ASRGL1: variants seen among roughly 807,000 people sequenced by gnomAD.
The protein encoded by ASRGL1 is asparaginase and isoaspartyl peptidase 1.
Under a neutral mutation model 22.4 loss-of-function variants are expected in ASRGL1, and 16 were observed. That is an observed-to-expected ratio of 0.71 (90% confidence interval 0.48 to 1.08). The LOEUF is 1.08. ASRGL1 is among the 50% of genes least tolerant of loss of function. The probability of loss-of-function intolerance (pLI) is 0.00; values close to 1 mark genes in which losing one functional copy is unlikely to be tolerated. For synonymous variants in ASRGL1, 165 were observed against 159.3 expected, an observed-to-expected ratio of 1.04 and a Z score of -0.27; for missense variants, 412 against 410.1, an observed-to-expected ratio of 1.00 and a Z score of -0.04.
chr11:62,397,663 T>G (rs1446256024), downstream of ASRGL1, among the ~76,000 whole-genome samples: 1 of 71,378 alleles, frequency 1.4e-5, no homozygotes, highest in Non-Finnish European at 2.5e-5. Flanking sequence ...AAACTCCGTC[T>G]CAAAAAAAAA....
intron 4 of ASRGL1, among the ~76,000 whole-genome samples, chr11:62,388,467 G>A (rs1947264451): frequency 6.6e-6 from 1 of 151,968 alleles, no homozygotes; most frequent in Non-Finnish European, 1.5e-5. Flanking sequence ...AGAGGTTTGA[G>A]ACCAGCCTGG....
chr11:62,347,588 A>G (rs922897317), intron 2 of ASRGL1, among the ~76,000 whole-genome samples: 1 of 152,034 alleles, frequency 6.6e-6, no homozygotes, highest in Admixed American at 6.6e-5. Flanking sequence ...GGCCTTCTAC[A>G]TCTGTGAATT....
At chr11:62,352,413 C>T (rs1284233418) in intron 2 of ASRGL1, among the ~76,000 whole-genome samples, 1 of 152,110 alleles carries the variant, frequency 6.6e-6, no homozygotes, top group Non-Finnish European at 1.5e-5. Context: ...TGGTGAAAAC[C>T]TGTCTCTACT....
At chr11:62,386,541 G>A (rs540555690) in intron 4 of ASRGL1, among the ~76,000 whole-genome samples, 10 of 69,942 alleles carry the variant, frequency 1.4e-4, no homozygotes, top group African/African-American at 2.3e-4. Context: ...AGAGGTCAGC[G>A]CTAGCTGAGG....
chr11:62,354,314 C>T (rs1034871207), intron 2 of ASRGL1, among the ~76,000 whole-genome samples: 11 of 152,106 alleles, frequency 7.2e-5, no homozygotes, highest in East Asian at 3.8e-4. Flanking sequence ...AGTAGCCCTC[C>T]GTTATCTATG....
At position 62,343,377 on chromosome 11, in the gene ASRGL1, C is replaced by CAAA. The variant is rs35798082; in HGVS notation, c.190+5227_190+5229dup. On this transcript the variant is annotated intron_variant, in intron 2 of 6. Transcript: ENST00000415229. ...TGGGTGACAGAGTGAGACCCTGTCT[C>CAAA]AAAAAAAAAAAAAAAAAAAGGAACT... Among the ~76,000 whole-genome samples the CAAA allele has an allele frequency of 1.9e-3, 168 of 86,250 alleles. 3 individuals are homozygous for CAAA. Among genetic ancestry groups the CAAA allele is most frequent in the Middle Eastern group, 7.7e-3 (1 of 130 alleles). The allele number at this position is 86,250 out of a possible 152,430, so 56.6% of individuals were successfully genotyped here. A position where few individuals can be genotyped will look rare whatever the true frequency, so the allele number is the denominator to read the frequency against.
At chr11:62,356,949 C>CA (rs777206182) in intron 3 of ASRGL1, 38 bp from the exon 4 acceptor site, 20 of 1,560,104 alleles carry the variant, frequency 1.3e-5, no homozygotes, top group South Asian at 3.7e-5. Flanking sequence ...TTAAAATTTT[C>CA]AAAAAAACAA....
chr11:62,373,660 C>T (rs952628203), intron 4 of ASRGL1, among the ~76,000 whole-genome samples: 2 of 152,270 alleles, frequency 1.3e-5, no homozygotes, highest in South Asian at 2.1e-4. Context: ...TCGCGTGCTT[C>T]GGAAGCATCC....
At chr11:62,372,669 G>C (rs1946805316) in intron 4 of ASRGL1, 1 of 1,070,286 alleles carries the variant, frequency 9.3e-7, no homozygotes, top group South Asian at 1.2e-5. Flanking sequence ...CTTCTCCTGG[G>C]GCTTCAGTGG....
At chr11:62,374,778 G>A (rs1224842321) in intron 4 of ASRGL1, among the ~76,000 whole-genome samples, 4 of 152,130 alleles carry the variant, frequency 2.6e-5, no homozygotes, top group Non-Finnish European at 5.9e-5. Context: ...TCTGTGTTCA[G>A]TCAGTAGTCC....
intron 2 of ASRGL1, among the ~76,000 whole-genome samples, chr11:62,341,618 C>T (rs759985654): frequency 3.3e-5 from 5 of 152,076 alleles, no homozygotes; most frequent in African/African-American, 1.2e-4. Flanking sequence ...TTGAAGATTC[C>T]CAGGTGATTC....
At chr11:62,398,091 AATGTCGAC>A (rs1380128118), downstream of ASRGL1, among the ~76,000 whole-genome samples, 1 of 151,878 alleles carries the variant, frequency 6.6e-6, no homozygotes, top group Non-Finnish European at 1.5e-5. Context: ...TTCAAACAGA[AATGTCGAC>A]ACCCTGCCAC....
At chr11:62,342,402 G>C (rs1945887540) in intron 2 of ASRGL1, among the ~76,000 whole-genome samples, 1 of 152,156 alleles carries the variant, frequency 6.6e-6, no homozygotes, top group South Asian at 2.1e-4. Flanking sequence ...GTTAGCACAG[G>C]TCTTTGAATA....
At chr11:62,371,898 G>C (rs554373070) in intron 4 of ASRGL1, 5 of 565,578 alleles carry the variant, frequency 8.8e-6, no homozygotes, top group South Asian at 6.2e-5. Flanking sequence ...AGCTTGCAGT[G>C]GGCCGAGATC....
chr11:62,385,106 G>A (rs1381546594), intron 4 of ASRGL1, among the ~76,000 whole-genome samples: 2 of 150,870 alleles, frequency 1.3e-5, no homozygotes, highest in Admixed American at 6.6e-5. Flanking sequence ...GTTAGAGGTG[G>A]GCCTGCCACC....
At chr11:62,355,300 A>G (rs1005138462) in intron 2 of ASRGL1, among the ~76,000 whole-genome samples, 3 of 151,730 alleles carry the variant, frequency 2.0e-5, no homozygotes, top group African/African-American at 7.3e-5. Flanking sequence ...ATCTCGGCTC[A>G]CGGCAACCTC....
intron 2 of ASRGL1, among the ~76,000 whole-genome samples, chr11:62,353,037 C>T (rs1946203116): frequency 6.6e-6 from 1 of 152,110 alleles, no homozygotes; most frequent in Non-Finnish European, 1.5e-5. Flanking sequence ...ATTTTCTCCT[C>T]CCATCTAGGA....
At chr11:62,362,813 T>TACACACACACACAC (rs57501048) in intron 4 of ASRGL1, among the ~76,000 whole-genome samples, 8,013 of 83,722 alleles carry the variant, frequency 0.096, 611 homozygotes, top group South Asian at 0.16. Flanking sequence ...TTATCTGACA[T>TACACACACACACAC]ACACACACAC....
intron 4 of ASRGL1, among the ~76,000 whole-genome samples, chr11:62,386,055 G>A (rs568597439): frequency 1.2e-4 from 18 of 152,028 alleles, no homozygotes; most frequent in South Asian, 4.1e-4. Flanking sequence ...CCAGGTACTC[G>A]GGAGGCTTAG....
Sources: gnomAD v4.1 joint callset for allele counts (sites outside exome capture counted in the v4.1 genomes callset) on GRCh38, gnomAD v4.1.1 for gene constraint, MANE v1.5 for transcripts, NCBI Gene and HGNC (gene_info 2026-07-23, HGNC 2026-07-21) for gene names.